OPHN1: variants seen among roughly 807,000 people sequenced by gnomAD.
OPHN1 encodes oligophrenin 1, also known as oligophrenin-1.
OPHN1 carries 11 observed loss-of-function variants against 60.7 expected under a neutral mutation model. That is an observed-to-expected ratio of 0.18 (90% CI 0.11 to 0.30). The LOEUF (loss-of-function observed/expected upper bound fraction) is 0.30, where lower values mean the gene tolerates loss of function less well. Among genes scored for constraint, OPHN1 ranks in the 10% least tolerant of loss-of-function variants. OPHN1 has a pLI of 1.00. For missense variants in OPHN1, 449 were observed against 611.0 expected (o/e 0.73, Z 2.80); for synonymous variants, 226 against 222.6 (o/e 1.02, Z -0.14).
rs1204272556 is a variant in OPHN1 at position 68,221,103 on chromosome X, T to C, written c.487-7131A>G. ...GCAAAGTCTCAGGATACAAAATCAATGTACAAAAATCACAAGCATTCTTAT... is the reference window on the plus strand; with the variant it reads ...GCAAAGTCTCAGGATACAAAATCAACGTACAAAAATCACAAGCATTCTTAT... On this transcript the variant is annotated intron_variant, in intron 6 of 24. Transcript: ENST00000355520. Among the ~76,000 whole-genome samples the C allele has an allele frequency of 4.2e-5, 4 of 95,864 alleles. No homozygotes were observed. The Admixed American group carries it at 4.9e-4, about 12-fold the overall frequency. 83.2% of individuals were successfully genotyped at this position (95,864 alleles called of 115,157 possible).
intron 19 of OPHN1, among the ~76,000 whole-genome samples, chrX:68,081,266 G>A (rs1363318178): frequency 1.8e-5 from 2 of 111,494 alleles, no homozygotes; most frequent in East Asian, 2.8e-4. Context: ...AGGTGAGAGA[G>A]TACAAAGTAG....
chrX:68,184,752 A>G (rs1471284952), intron 15 of OPHN1, among the ~76,000 whole-genome samples: 1 of 109,380 alleles, frequency 9.1e-6, no homozygotes. Flanking sequence ...GCCCACCACC[A>G]TGCCTGGCTA....
At position 68,238,205 on chromosome X, in the gene OPHN1, C is replaced by T. The variant is rs1275312016; in HGVS notation, c.385-3617G>A. ...TTCTCTATATAGAGATTCATTATTC[C>T]TATAATCACCTATGAATTTTTCCAC... On this transcript the variant is annotated intron_variant, in intron 5 of 24. Coordinates refer to ENST00000355520, the MANE Select transcript of OPHN1 (RefSeq NM_002547.3). Among the ~76,000 whole-genome samples, 3 of 111,373 alleles carry T rather than the reference C, an allele frequency of 2.7e-5. No individual in the cohort carries two copies. The East Asian group carries it at 8.4e-4, about 31-fold the overall frequency.
chrX:68,397,533 T>A (rs1296345978), intron 2 of OPHN1, among the ~76,000 whole-genome samples: 11 of 98,875 alleles, frequency 1.1e-4, no homozygotes, highest in Non-Finnish European at 2.0e-4. Flanking sequence ...TATTTTTTTT[T>A]TTTTTTTGAA....
chrX:68,401,786 G>GA (rs2078715899), intron 2 of OPHN1, among the ~76,000 whole-genome samples: 1 of 111,491 alleles, frequency 9.0e-6, no homozygotes, highest in Non-Finnish European at 1.9e-5. Flanking sequence ...AGCATTCCAG[G>GA]AAAAAAGAAT....
chrX:68,262,140 G>A (rs1281663771), intron 5 of OPHN1, among the ~76,000 whole-genome samples: 1 of 111,610 alleles, frequency 9.0e-6, no homozygotes, highest in Non-Finnish European at 1.9e-5. Context: ...AAAGTAAGGG[G>A]GAAGTGTGAG....
intron 15 of OPHN1, among the ~76,000 whole-genome samples, chrX:68,140,855 A>T (rs1190712676): frequency 9.0e-6 from 1 of 111,294 alleles, no homozygotes; most frequent in African/African-American, 3.3e-5. Flanking sequence ...AGCATCGAAG[A>T]CTACTGATAG....
intron 11 of OPHN1, among the ~76,000 whole-genome samples, chrX:68,199,713 C>T (rs139700480): frequency 0.022 from 2,510 of 111,690 alleles, 34 homozygotes; most frequent in Middle Eastern, 0.037. Context: ...TTATATTTAA[C>T]GCTCTACTTT....
At chrX:68,193,421 T>C (rs1249005570) in intron 14 of OPHN1, among the ~76,000 whole-genome samples, 1 of 111,287 alleles carries the variant, frequency 9.0e-6, no homozygotes, top group Non-Finnish European at 1.9e-5. Flanking sequence ...CAAGAAAGAC[T>C]AAAAAAACAT....
In OPHN1 at chrX:68,364,584, A is replaced by G. The variant is rs779486104; in HGVS notation, c.155-65488T>C. On this transcript the variant is annotated intron_variant, in intron 2 of 24. Transcript: ENST00000355520. Reference sequence around the variant, plus strand: ...TGTAATTCAGTTTCTTTAATAGAGTAATTGATGAAATAAGAACAGTTGAGA... The same window carrying G: ...TGTAATTCAGTTTCTTTAATAGAGTGATTGATGAAATAAGAACAGTTGAGA... 1.2e-4 allele frequency among the ~76,000 whole-genome samples: 13 copies of G among 112,270 alleles called. No individual in the cohort carries two copies. In the South Asian group the frequency reaches 4.8e-3, roughly 41 times the overall value.
Position 68,125,954 on chromosome X carries a change from T to TATAC in OPHN1, c.1277-6626_1277-6623dup, listed in dbSNP as rs1555941245. Among the ~76,000 whole-genome samples the TATAC allele has an allele frequency of 5.0e-3, 278 of 55,815 alleles. 9 individuals carry two copies. The highest frequency in any genetic ancestry group is 0.012 in the African/African-American group (218 of 17,863). The allele number at this position is 55,815 out of a possible 115,157, so 48.5% of individuals were successfully genotyped here. A position where few individuals can be genotyped will look rare whatever the true frequency, so the allele number is the denominator to read the frequency against. On this transcript the variant is annotated intron_variant, in intron 15 of 24. Transcript: ENST00000355520. ...CAATATATATATATATATATATATA[T>TATAC]ATACATACACACACACACACACACA... is the stretch of plus-strand genomic sequence containing the variant.
chrX:68,379,931 G>A (rs377337792), intron 2 of OPHN1, among the ~76,000 whole-genome samples: 17,329 of 109,050 alleles, frequency 0.16, 1,524 homozygotes, highest in African/African-American at 0.33. Context: ...TCAGGATGAT[G>A]CTGGCCTCAT....
At chrX:68,174,549 G>A (rs183962695) in intron 15 of OPHN1, among the ~76,000 whole-genome samples, 968 of 93,854 alleles carry the variant, frequency 0.01, 12 homozygotes, top group African/African-American at 0.039. Flanking sequence ...GCAGCTTACT[G>A]CAGCCTCGAC....
At chrX:68,263,770 T>C (rs1488695125) in intron 5 of OPHN1, among the ~76,000 whole-genome samples, 1 of 111,757 alleles carries the variant, frequency 8.9e-6, no homozygotes, top group African/African-American at 3.3e-5. Flanking sequence ...AATAGAAAGA[T>C]AATGCAAGCC....
chrX:68,108,304 G>A (rs1163673861), intron 18 of OPHN1, among the ~76,000 whole-genome samples: 1 of 111,482 alleles, frequency 9.0e-6, no homozygotes, highest in African/African-American at 3.3e-5. Context: ...AAGCACCCCT[G>A]ATTCCTTTGA....
chrX:68,280,101 G>A (rs1210603909), intron 4 of OPHN1, among the ~76,000 whole-genome samples: 3 of 111,459 alleles, frequency 2.7e-5, no homozygotes, highest in African/African-American at 9.8e-5. Context: ...GTATTAGCAA[G>A]GGGGCCATCT....
chrX:68,295,666 CA>C (rs1321547353), intron 3 of OPHN1, among the ~76,000 whole-genome samples: 16 of 112,337 alleles, frequency 1.4e-4, no homozygotes, highest in Non-Finnish European at 2.3e-4. Context: ...ACGGTCAGAT[CA>C]ATGACACATG....
At chrX:68,299,870 C>T (rs929999089) in intron 2 of OPHN1, among the ~76,000 whole-genome samples, 2 of 110,512 alleles carry the variant, frequency 1.8e-5, no homozygotes, top group African/African-American at 6.6e-5. Flanking sequence ...TATGCCCCCA[C>T]CAAGAGGTCC....
At chrX:68,196,968 G>A (rs1178896322) in intron 12 of OPHN1, among the ~76,000 whole-genome samples, 1 of 111,515 alleles carries the variant, frequency 9.0e-6, no homozygotes, top group East Asian at 2.8e-4. Flanking sequence ...GCCCGGTTTT[G>A]GTGTCTTCTC....
Sources: gnomAD v4.1 joint callset for allele counts (sites outside exome capture counted in the v4.1 genomes callset) on GRCh38, gnomAD v4.1.1 for gene constraint, MANE v1.5 for transcripts, NCBI Gene and HGNC (gene_info 2026-07-23, HGNC 2026-07-21) for gene names.